KLRD1: variants seen among roughly 807,000 people sequenced by gnomAD.
The protein encoded by KLRD1 is natural killer cells antigen CD94.
In KLRD1, 21 loss-of-function variants were observed where a neutral mutation model predicts 22.6. That is an observed-to-expected ratio of 0.93 (90% CI 0.66 to 1.34). The LOEUF (loss-of-function observed/expected upper bound fraction) is 1.34. Ranked by LOEUF, KLRD1 falls within the 40% of genes most tolerant of loss-of-function variation. The pLI is 0.00. For missense variants in KLRD1, 183 were observed against 208.6 expected (o/e 0.88, Z 0.76); for synonymous variants, 59 against 71.1 (o/e 0.83, Z 0.85).
upstream of KLRD1, among the ~76,000 whole-genome samples, chr12:10,303,189 C>T (rs868313016): frequency 6.6e-6 from 1 of 152,178 alleles, no homozygotes. Context: ...AGAAGCACTC[C>T]GTCCTGCTTC....
rs1364697518 is a variant in KLRD1, at chr12:10,326,343, C to T, written c.*11550C>T. 1 of 152,132 alleles carries T rather than the reference C, an allele frequency of 6.6e-6. No individual in the cohort carries two copies. Among genetic ancestry groups the T allele is most frequent in the Middle Eastern group, 3.2e-3 (1 of 316 alleles). 9.4% of individuals were successfully genotyped at this position (152,132 alleles called of 1,614,324 possible). ...CAGTTAATTTAGAAAGTTTATTTTG[C>T]AAAGGTTGAGAACATATGCCCATAA... On this transcript the variant is annotated 3_prime_UTR_variant, in exon 6 of 6. Transcript: ENST00000336164.
rs559535829 is a variant in KLRD1 at position 10,308,224 on chromosome 12, C to G, written c.7+140C>G. 3.7e-5 allele frequency: 25 copies of G among 672,316 alleles called. No homozygotes were observed. In the African/African-American group the frequency reaches 4.0e-4, roughly 11 times the overall value. The allele number at this position is 672,316 out of a possible 1,614,324, so 41.6% of individuals were successfully genotyped here. A position where few individuals can be genotyped will look rare whatever the true frequency, so the allele number is the denominator to read the frequency against. ...TAGGATTTTCATGCATTAGCACTTT[C>G]CACATTCATTATATTTTCCTGATTC... On this transcript the variant is annotated intron_variant, in intron 1 of 5. Transcript: ENST00000336164.
chr12:10,269,922 A>AT lies in KLRD1; in HGVS notation c.-100-38050dup, dbSNP rs534756487. ...AGTTTGATATCTTGATCATTCTTTC[A>AT]TTTTTTGATGATTCTGTACCTACCA... is the stretch of plus-strand genomic sequence containing the variant. On this transcript the variant is annotated intron_variant, in intron 1 of 5. Coordinates refer to the KLRD1 transcript ENST00000544747. 7.9e-5 allele frequency among the ~76,000 whole-genome samples: 12 copies of AT among 152,238 alleles called. No individual in the cohort carries two copies. In the South Asian group the frequency reaches 2.5e-3, roughly 32 times the overall value.
intron 1 of KLRD1, among the ~76,000 whole-genome samples, chr12:10,297,468 T>C (rs1358808762): frequency 6.6e-6 from 1 of 152,116 alleles, no homozygotes; most frequent in Non-Finnish European, 1.5e-5. Flanking sequence ...CTATTATTGG[T>C]TAAATTTCTG....
intron 1 of KLRD1, among the ~76,000 whole-genome samples, chr12:10,272,986 T>A (rs190936514): frequency 2.4e-3 from 359 of 152,288 alleles, no homozygotes; most frequent in Non-Finnish European, 4.4e-3. Flanking sequence ...CAGAAATACC[T>A]TTTTTGTGAT....
At chr12:10,251,486 T>G (rs1949345805) in intron 1 of KLRD1, among the ~76,000 whole-genome samples, 1 of 152,030 alleles carries the variant, frequency 6.6e-6, no homozygotes, top group Non-Finnish European at 1.5e-5. Flanking sequence ...GTCCCCAAAC[T>G]TTTTGGCCCC....
chr12:10,241,216 A>G (rs754991132), intron 1 of KLRD1, among the ~76,000 whole-genome samples: 6 of 152,178 alleles, frequency 3.9e-5, no homozygotes, highest in Non-Finnish European at 8.8e-5. Context: ...TTATTGGCTG[A>G]AGTACTTTCA....
In KLRD1 at chr12:10,327,756, A is replaced by T. The variant is rs1950374000; in HGVS notation, c.*12963A>T. On this transcript the variant is annotated 3_prime_UTR_variant, in exon 6 of 6. Coordinates refer to ENST00000336164, the MANE Select transcript of KLRD1 (RefSeq NM_002262.5). ...CTTGCCATGTTTCTGATGTCAGAGG[A>T]AAAGTTCAGCTTTTTCCATAGCATG... 6.6e-6 allele frequency: 1 copy of T among 152,172 alleles called. No individual in the cohort carries two copies. The highest frequency in any genetic ancestry group is 2.4e-5 in the African/African-American group (1 of 41,456). The allele number at this position is 152,172 out of a possible 1,614,324, so 9.4% of individuals were successfully genotyped here. A position where few individuals can be genotyped will look rare whatever the true frequency, so the allele number is the denominator to read the frequency against.
rs1314586360 is a variant in KLRD1 at position 10,325,418 on chromosome 12, C to T, written c.*10625C>T. ...TCCTCTTAACAAATTTTCAAGTCTA[C>T]AGTACAGTATTATTAACAATAGGTA... is the stretch of plus-strand genomic sequence containing the variant. On this transcript the variant is annotated 3_prime_UTR_variant, in exon 6 of 6. Coordinates refer to ENST00000336164, the MANE Select transcript of KLRD1 (RefSeq NM_002262.5). The T allele has an allele frequency of 1.3e-5, 2 of 152,078 alleles. No individual in the cohort carries two copies. Among genetic ancestry groups the T allele is most frequent in the Admixed American group, 6.5e-5 (1 of 15,268 alleles). The allele number at this position is 152,078 out of a possible 1,614,324, so 9.4% of individuals were successfully genotyped here.
At chr12:10,297,992 C>G (rs988165494) in intron 1 of KLRD1, among the ~76,000 whole-genome samples, 3 of 152,182 alleles carry the variant, frequency 2.0e-5, no homozygotes, top group Non-Finnish European at 4.4e-5. Context: ...CCAGAAAACA[C>G]TTTCTCCAAA....
upstream of KLRD1, among the ~76,000 whole-genome samples, chr12:10,299,696 G>C (rs1211922324): frequency 6.6e-6 from 1 of 151,946 alleles, no homozygotes; most frequent in Non-Finnish European, 1.5e-5. Flanking sequence ...AGGAGGCTTT[G>C]GCAATTTCTT....
At chr12:10,284,110 T>C (rs1026223186) in intron 1 of KLRD1, among the ~76,000 whole-genome samples, 1 of 151,416 alleles carries the variant, frequency 6.6e-6, no homozygotes, top group African/African-American at 2.4e-5. Context: ...TCACCTGAAC[T>C]GGGAGGTGGA....
chr12:10,243,192 A>G (rs896416004), intron 1 of KLRD1, among the ~76,000 whole-genome samples: 4 of 152,164 alleles, frequency 2.6e-5, no homozygotes, highest in African/African-American at 4.8e-5. Context: ...TTTGAGATCT[A>G]TTGCACAAAA....
In KLRD1 at chr12:10,326,384, G is replaced by A. The variant is rs1950362067; in HGVS notation, c.*11591G>A. On this transcript the variant is annotated 3_prime_UTR_variant, in exon 6 of 6. Coordinates refer to ENST00000336164, the MANE Select transcript of KLRD1 (RefSeq NM_002262.5). ...ATGCCCATAACACAGCCTCACCTCA[G>A]GAGGTCCTGCTGACATGTGCCCAAG... 6.6e-6 allele frequency: 1 copy of A among 152,160 alleles called. No individual in the cohort carries two copies. The highest frequency in any genetic ancestry group is 1.5e-5 in the Non-Finnish European group (1 of 68,030). The allele number at this position is 152,160 out of a possible 1,614,324, so 9.4% of individuals were successfully genotyped here. A position where few individuals can be genotyped will look rare whatever the true frequency, so the allele number is the denominator to read the frequency against.
At chr12:10,299,424 C>T (rs9804858) in intron 1 of KLRD1, among the ~76,000 whole-genome samples, 7,461 of 152,054 alleles carry the variant, frequency 0.049, 628 homozygotes, top group African/African-American at 0.17. Flanking sequence ...TTAGAGAACA[C>T]CACAATAAAA....
At chr12:10,286,531 T>C (rs1403957506) in intron 1 of KLRD1, among the ~76,000 whole-genome samples, 1 of 152,158 alleles carries the variant, frequency 6.6e-6, no homozygotes, top group Non-Finnish European at 1.5e-5. Flanking sequence ...CATTTGAAAC[T>C]ACTCACTTTT....
intron 1 of KLRD1, among the ~76,000 whole-genome samples, chr12:10,283,391 T>A (rs1375759871): frequency 6.6e-6 from 1 of 151,510 alleles, no homozygotes; most frequent in Non-Finnish European, 1.5e-5. Context: ...GAGCGGAGAG[T>A]GGGGATAAGG....
chr12:10,301,553 G>T (rs2537781), upstream of KLRD1, among the ~76,000 whole-genome samples: 1 of 151,948 alleles, frequency 6.6e-6, no homozygotes. Flanking sequence ...TTTTCTTGTT[G>T]TGTGCCTTGC....
At position 10,323,431 on chromosome 12, in the gene KLRD1, TCATC is replaced by T. The variant is rs1353830386; in HGVS notation, c.*8639_*8642del. 1.1e-5 allele frequency: 1 copy of T among 91,586 alleles called. No homozygotes were observed. Among genetic ancestry groups the T allele is most frequent in the African/African-American group, 2.9e-5 (1 of 34,838 alleles). 5.7% of individuals were successfully genotyped at this position (91,586 alleles called of 1,614,324 possible). A position where few individuals can be genotyped will look rare whatever the true frequency, so the allele number is the denominator to read the frequency against. On this transcript the variant is annotated 3_prime_UTR_variant, in exon 6 of 6. Coordinates refer to ENST00000336164, the MANE Select transcript of KLRD1 (RefSeq NM_002262.5). ...CCAAATGAATAATGATGCTTATCCC[TCATC>T]TTTTTTTTTCATTTTTATATCCCCT...
Sources: gnomAD v4.1 joint callset for allele counts (sites outside exome capture counted in the v4.1 genomes callset) on GRCh38, gnomAD v4.1.1 for gene constraint, MANE v1.5 for transcripts, NCBI Gene and HGNC (gene_info 2026-07-23, HGNC 2026-07-21) for gene names.